The following MLLT1 variants were observed in gnomAD, a reference collection of about 807,000 sequenced individuals.
MLLT1 encodes MLLT1 super elongation complex subunit.
Under a neutral mutation model 55.1 loss-of-function variants are expected in MLLT1, and 11 were observed. The ratio of observed to expected loss-of-function variants is 0.20; its 90% CI spans 0.13 to 0.33. The LOEUF is 0.33. Among genes scored for constraint, MLLT1 ranks in the 10% least tolerant of loss-of-function variants. MLLT1 has a pLI of 1.00. For synonymous variants in MLLT1, 323 were observed against 320.1 expected (o/e 1.01, Z -0.10); for missense variants, 536 against 760.6 (o/e 0.70, Z 3.47).
At chr19:6,213,882 G>A (rs1285307217) in intron 9 of MLLT1, 57 bp downstream of exon 9, 29 of 1,526,774 alleles carry the variant, frequency 1.9e-5, no homozygotes, top group Middle Eastern at 1.7e-4. Context: ...AGGACAGCCC[G>A]GCCCAGGGCT....
chr19:6,270,389 G>A lies in MLLT1; in HGVS notation c.193+190C>T, dbSNP rs8103614. On this transcript the variant is annotated intron_variant, in intron 2 of 11. Transcript: ENST00000252674. The surrounding 1 kb of genome is among the most constrained non-coding windows in gnomAD (Gnocchi z 7.1). ...ACAACAGACCGCCACCACCTCCTTC[G>A]GTTCTTCCTACGACTAACTCAACAG... 0.27 allele frequency among the ~76,000 whole-genome samples: 41,134 copies of A among 151,980 alleles called. 6,582 individuals carry two copies. The highest frequency in any genetic ancestry group is 0.44 in the African/African-American group (18,289 of 41,430).
Position 6,226,956 on chromosome 19 carries a change from T to C in MLLT1, c.546+21A>G, listed in dbSNP as rs1266213352. 1.3e-6 allele frequency: 2 copies of C among 1,569,608 alleles called. No individual in the cohort carries two copies. The highest frequency in any genetic ancestry group is 2.4e-5 in the East Asian group (1 of 41,328). On this transcript the variant is annotated intron_variant, in intron 5 of 11. Transcript: ENST00000252674. The surrounding 1 kb of genome is among the most constrained non-coding windows in gnomAD (Gnocchi z 6.3). The stretch of plus-strand genomic sequence containing the variant: ...CTGGGCCCCGGCGCTCCCACGCGAC[T>C]GGGCCTTCCGCCTCACTAACCTTGG...
chr19:6,279,926 T>TCGCC lies in MLLT1; in HGVS notation c.-146_-143dup, dbSNP rs1220435198. The TCGCC allele has an allele frequency of 6.1e-6, 1 of 163,234 alleles. No homozygotes were observed. Among genetic ancestry groups the TCGCC allele is most frequent in the African/African-American group, 2.5e-5 (1 of 40,002 alleles). 10.1% of individuals were successfully genotyped at this position (163,234 alleles called of 1,614,324 possible). On this transcript the variant is annotated 5_prime_UTR_variant, in exon 1 of 12. Transcript: ENST00000252674. ...GCCGCCGCCGATCCCGGCCGCCCGC[T>TCGCC]CGCCCGCCAGCCCCGCGGAACCGGA... is the stretch of plus-strand genomic sequence containing the variant.
rs768702134 is a variant in MLLT1, at chr19:6,212,636, G to C, written c.*406C>G. ...GCGGAGGGTGTGTTCTGAACCATTC[G>C]GGAGGCTGGAGATGCCCCCCAGCCG... is the stretch of plus-strand genomic sequence containing the variant. On this transcript the variant is annotated 3_prime_UTR_variant, in exon 12 of 12. Coordinates refer to ENST00000252674, the MANE Select transcript of MLLT1 (RefSeq NM_005934.4). 14 of 1,115,346 alleles carry C rather than the reference G, an allele frequency of 1.3e-5. No individual in the cohort carries two copies. Among genetic ancestry groups the C allele is most frequent in the African/African-American group, 1.6e-5 (1 of 61,508 alleles). 69.1% of individuals were successfully genotyped at this position (1,115,346 alleles called of 1,614,324 possible).
intron 1 of MLLT1, among the ~76,000 whole-genome samples, chr19:6,274,962 G>A (rs890962700): frequency 7.9e-5 from 12 of 152,242 alleles, no homozygotes; most frequent in African/African-American, 2.9e-4. Flanking sequence ...GCAGCCTCTC[G>A]AGGGCAGCTT....
At chr19:6,244,578 G>A (rs1261269977) in intron 3 of MLLT1, among the ~76,000 whole-genome samples, 1 of 152,036 alleles carries the variant, frequency 6.6e-6, no homozygotes, top group Non-Finnish European at 1.5e-5. Flanking sequence ...ACAGTAAGAC[G>A]TCCATCAAAA....
At position 6,212,821 on chromosome 19, in the gene MLLT1, G is replaced by A. The variant is rs1337159972; in HGVS notation, c.*221C>T. 2 of 891,496 alleles carry A rather than the reference G, an allele frequency of 2.2e-6. No homozygotes were observed. The highest frequency in any genetic ancestry group is 1.8e-5 in the African/African-American group (1 of 56,218). 55.2% of individuals were successfully genotyped at this position (891,496 alleles called of 1,614,324 possible). On this transcript the variant is annotated 3_prime_UTR_variant, in exon 12 of 12. Coordinates refer to ENST00000252674, the MANE Select transcript of MLLT1 (RefSeq NM_005934.4). ...TGAGGGGAGCCCAGAGAGCCCGGGG[G>A]GCGGCTCCCGTGTGGCCCAGCCCGG...
rs1254137152 is a variant in MLLT1, at chr19:6,219,907, A to G, written c.1111-1866T>C. ...TTCCTTCCGCCCAAATCCAAGGGGCAGGGAGGAAAAGAATCCGGAAATGGT... is the reference window on the plus strand; with the variant it reads ...TTCCTTCCGCCCAAATCCAAGGGGCGGGGAGGAAAAGAATCCGGAAATGGT... On this transcript the variant is annotated intron_variant, in intron 6 of 11. Transcript: ENST00000252674. This position sits in a 1 kb window ranked among gnomAD's most constrained non-coding sequence, Gnocchi z 4.5. 6.6e-6 allele frequency among the ~76,000 whole-genome samples: 1 copy of G among 152,182 alleles called. No individual in the cohort carries two copies. Among genetic ancestry groups the G allele is most frequent in the African/African-American group, 2.4e-5 (1 of 41,450 alleles).
intron 3 of MLLT1, among the ~76,000 whole-genome samples, chr19:6,233,552 G>A (rs555779008): frequency 6.4e-4 from 98 of 152,292 alleles, no homozygotes; most frequent in African/African-American, 2.2e-3. Context: ...AAGGGAGGGC[G>A]GCCTAGGGAG....
intron 3 of MLLT1, among the ~76,000 whole-genome samples, chr19:6,251,291 G>T (rs1430664565): frequency 6.6e-6 from 1 of 152,208 alleles, no homozygotes; most frequent in Non-Finnish European, 1.5e-5. Context: ...GGGGATGGGG[G>T]TGCGGCGGCA....
chr19:6,243,857 C>A (rs1056493076), intron 3 of MLLT1, among the ~76,000 whole-genome samples: 3 of 151,994 alleles, frequency 2.0e-5, no homozygotes, highest in African/African-American at 7.2e-5. Flanking sequence ...TCCTGGCTAA[C>A]ACGGTGAAAC....
chr19:6,254,368 T>G (rs1360930621), intron 3 of MLLT1, among the ~76,000 whole-genome samples: 1 of 152,146 alleles, frequency 6.6e-6, no homozygotes, highest in Admixed American at 6.5e-5. Context: ...AAACCAGTAA[T>G]GGAAGTAAAA....
chr19:6,224,489 C>A (rs1334704456), intron 5 of MLLT1, among the ~76,000 whole-genome samples: 1 of 152,234 alleles, frequency 6.6e-6, no homozygotes, highest in Non-Finnish European at 1.5e-5. Context: ...GGGACACACG[C>A]CCAGCTGGGC....
intron 6 of MLLT1, among the ~76,000 whole-genome samples, chr19:6,220,513 AAGC>A: frequency 6.6e-6 from 1 of 152,368 alleles, no homozygotes; most frequent in Admixed American, 6.5e-5. Context: ...AGGTGGCAGG[AAGC>A]TCCCCACAAA....
rs539340287 is a variant in MLLT1, at chr19:6,212,746, G to A, written c.*296C>T. On this transcript the variant is annotated 3_prime_UTR_variant, in exon 12 of 12. Coordinates refer to ENST00000252674, the MANE Select transcript of MLLT1 (RefSeq NM_005934.4). ...GGCTGGTCCCAAGGCTGGGCGAGGGGCCCCCGGCCCTGTCTCTGCCCAGAG... is the reference window on the plus strand; with the variant it reads ...GGCTGGTCCCAAGGCTGGGCGAGGGACCCCCGGCCCTGTCTCTGCCCAGAG... The A allele has an allele frequency of 6.3e-6, 7 of 1,110,310 alleles. No individual in the cohort carries two copies. Among genetic ancestry groups the A allele is most frequent in the South Asian group, 5.1e-5 (2 of 38,878 alleles). 68.8% of individuals were successfully genotyped at this position (1,110,310 alleles called of 1,614,324 possible).
intron 1 of MLLT1, among the ~76,000 whole-genome samples, chr19:6,275,911 GTAGACAGT>G (rs1180220239): frequency 6.6e-6 from 1 of 152,238 alleles, no homozygotes; most frequent in Non-Finnish European, 1.5e-5. Flanking sequence ...CCACAGACGT[GTAGACAGT>G]GTACCGGCTA....
chr19:6,253,739 C>G (rs2091237267), intron 3 of MLLT1, among the ~76,000 whole-genome samples: 1 of 152,170 alleles, frequency 6.6e-6, no homozygotes, highest in Non-Finnish European at 1.5e-5. Context: ...ACATGATTTT[C>G]TCATTAGAGA....
At chr19:6,238,059 C>T (rs2144892152) in intron 3 of MLLT1, among the ~76,000 whole-genome samples, 1 of 152,344 alleles carries the variant, frequency 6.6e-6, no homozygotes, top group Admixed American at 6.5e-5. Flanking sequence ...GAGCTATGAT[C>T]AGGCCACTGC....
At chr19:6,224,281 C>A (rs373216371) in intron 5 of MLLT1, among the ~76,000 whole-genome samples, 1 of 152,268 alleles carries the variant, frequency 6.6e-6, no homozygotes, top group East Asian at 1.9e-4. Flanking sequence ...GCCCTGTGCC[C>A]AGCCTGGCTC....
Sources: gnomAD v4.1 joint callset for allele counts (sites outside exome capture counted in the v4.1 genomes callset) on GRCh38, gnomAD v4.1.1 for gene constraint, Gnocchi (gnomAD v3.1) non-coding constraint, MANE v1.5 for transcripts, NCBI Gene and HGNC (gene_info 2026-07-23, HGNC 2026-07-21) for gene names.